DNAH9: variants seen among roughly 807,000 people sequenced by gnomAD.
DNAH9 encodes the protein DNAH9 variant protein.
In DNAH9, 345 loss-of-function variants were observed where a neutral mutation model predicts 471.6. The observed-to-expected ratio is 0.73, with a 90% CI of 0.67 to 0.80. DNAH9 has a LOEUF of 0.80. Ranked by LOEUF, DNAH9 falls within the 30% of genes least tolerant of loss-of-function variation. DNAH9 has a pLI of 0.00. For missense variants in DNAH9, 5,407 were observed against 5,609.2 expected (o/e 0.96, Z 1.15); for synonymous variants, 2,093 against 2,123.6 (o/e 0.99, Z 0.40).
intron 50 of DNAH9, among the ~76,000 whole-genome samples, chr17:11,859,972 C>G (rs1038759161): frequency 1.3e-5 from 2 of 152,228 alleles, no homozygotes; most frequent in Non-Finnish European, 2.9e-5. Context: ...CTGCCTTCAG[C>G]TCCCTTCCTT....
rs1415804306 is a variant in DNAH9, at chr17:11,730,927, G to A, written c.5814+3005G>A. 2.5e-4 allele frequency among the ~76,000 whole-genome samples: 34 copies of A among 135,220 alleles called. No homozygotes were observed. The East Asian group carries it at 6.3e-3, about 25-fold the overall frequency. The allele number at this position is 135,220 out of a possible 152,430, so 88.7% of individuals were successfully genotyped here. A position where few individuals can be genotyped will look rare whatever the true frequency, so the allele number is the denominator to read the frequency against. On this transcript the variant is annotated intron_variant, in intron 28 of 68. Coordinates refer to ENST00000262442, the MANE Select transcript of DNAH9 (RefSeq NM_001372.4). ...GGTGATGGTGGTAATGATGATGGTG[G>A]TGGTGGTGATGACGGTGATGATGAT...
At chr17:11,631,625 A>T (rs569416543) in intron 7 of DNAH9, among the ~76,000 whole-genome samples, 1 of 144,126 alleles carries the variant, frequency 6.9e-6, no homozygotes, top group African/African-American at 2.7e-5. Context: ...TGGGTGACAG[A>T]GTGAGACTCT....
chr17:11,823,791 A>G (rs1428680470), intron 48 of DNAH9, among the ~76,000 whole-genome samples: 3 of 152,184 alleles, frequency 2.0e-5, no homozygotes, highest in South Asian at 4.1e-4. Context: ...TTAGCTGGGC[A>G]TGGTGGCGGG....
intron 61 of DNAH9, among the ~76,000 whole-genome samples, chr17:11,917,302 G>A (rs748378721): frequency 6.6e-6 from 1 of 152,128 alleles, no homozygotes; most frequent in Non-Finnish European, 1.5e-5. Context: ...GATTACAGGC[G>A]CCCACCACCA....
chr17:11,743,759 A>C (rs998034316), intron 30 of DNAH9, among the ~76,000 whole-genome samples: 5 of 151,660 alleles, frequency 3.3e-5, no homozygotes, highest in Non-Finnish European at 7.4e-5. Flanking sequence ...TTCCTTAGGG[A>C]AGTCTGATCC....
chr17:11,931,151 A>G lies in DNAH9; in HGVS notation c.12106-863A>G, dbSNP rs76509661. Among the ~76,000 whole-genome samples the G allele has an allele frequency of 3.1e-3, 470 of 152,304 alleles. 3 individuals are homozygous for G. The East Asian group carries it at 0.05, about 16-fold the overall frequency. On this transcript the variant is annotated intron_variant, in intron 63 of 68. Coordinates refer to ENST00000262442, the MANE Select transcript of DNAH9 (RefSeq NM_001372.4). ...GAGAGTACCCAAAGGCCTGAATTGTAGCAGAGTGGAGGCCATCGGATCACC... is the reference window on the plus strand; with the variant it reads ...GAGAGTACCCAAAGGCCTGAATTGTGGCAGAGTGGAGGCCATCGGATCACC...
At chr17:11,774,152 A>G (rs1238533283) in intron 38 of DNAH9, among the ~76,000 whole-genome samples, 1 of 152,184 alleles carries the variant, frequency 6.6e-6, no homozygotes, top group Non-Finnish European at 1.5e-5. Context: ...AAAATAAAAT[A>G]GAATTAAAAA....
intron 22 of DNAH9, among the ~76,000 whole-genome samples, chr17:11,699,280 C>T (rs1464431726): frequency 6.6e-6 from 1 of 151,478 alleles, no homozygotes; most frequent in Non-Finnish European, 1.5e-5. Context: ...ACTGGGGTGG[C>T]TTCTTCCACA....
chr17:11,693,404 C>T (rs1161527903), intron 20 of DNAH9, among the ~76,000 whole-genome samples: 1 of 151,394 alleles, frequency 6.6e-6, no homozygotes, highest in Non-Finnish European at 1.5e-5. Context: ...CAGGCCTGCA[C>T]CACCAAGCCC....
chr17:11,644,616 C>T lies in DNAH9; in HGVS notation c.1902-15C>T, dbSNP rs1219329115. Reference sequence around the variant, plus strand: ...CTTCTAATTCTGTGTCACTTTTTCTCTTTTGTACGAGTAGTTGCATGGAAT... The same window carrying T: ...CTTCTAATTCTGTGTCACTTTTTCTTTTTTGTACGAGTAGTTGCATGGAAT... On this transcript the variant is annotated splice_polypyrimidine_tract_variant and intron_variant, in intron 10 of 68. Coordinates refer to ENST00000262442, the MANE Select transcript of DNAH9 (RefSeq NM_001372.4). 1 of 1,592,588 alleles carries T rather than the reference C, an allele frequency of 6.3e-7. No homozygotes were observed. The highest frequency in any genetic ancestry group is 8.6e-7 in the Non-Finnish European group (1 of 1,162,256).
intron 67 of DNAH9, among the ~76,000 whole-genome samples, chr17:11,952,927 G>A (rs1480457871): frequency 2.0e-5 from 3 of 152,120 alleles, no homozygotes; most frequent in Admixed American, 1.3e-4. Flanking sequence ...TTCTGGTGAG[G>A]GCTCTCTGCT....
intron 49 of DNAH9, among the ~76,000 whole-genome samples, chr17:11,840,731 G>T (rs1971003712): frequency 6.6e-6 from 1 of 152,140 alleles, no homozygotes; most frequent in Non-Finnish European, 1.5e-5. Flanking sequence ...AGAGAAAAAA[G>T]GTCGGGAGAA....
rs1018588388 is a variant in DNAH9, at chr17:11,623,933, G to A, written c.1350+4152G>A. 6.6e-6 allele frequency among the ~76,000 whole-genome samples: 1 copy of A among 152,058 alleles called. No individual in the cohort carries two copies. The highest frequency in any genetic ancestry group is 2.4e-5 in the African/African-American group (1 of 41,420). On this transcript the variant is annotated intron_variant, in intron 6 of 68. Coordinates refer to ENST00000262442, the MANE Select transcript of DNAH9 (RefSeq NM_001372.4). This position sits in a 1 kb window ranked among gnomAD's most constrained non-coding sequence, Gnocchi z 4.1. ...TTTTTGCACAAGAGAATTTTGTTGT[G>A]CACATCCACTCTTCCTCTCTGGGTG...
intron 57 of DNAH9, among the ~76,000 whole-genome samples, chr17:11,888,108 G>C (rs185736315): frequency 2.0e-4 from 30 of 151,292 alleles, no homozygotes; most frequent in African/African-American, 7.3e-4. Flanking sequence ...TCAGCCTCCC[G>C]AGTAGCTGGG....
chr17:11,783,606 T>C (rs1329857067), intron 39 of DNAH9, 40 bp from the exon 40 acceptor site: 1 of 1,540,614 alleles, frequency 6.5e-7, no homozygotes, highest in Non-Finnish European at 9.0e-7. Context: ...CCTGCCTCAG[T>C]CCTCAGACAC....
At chr17:11,758,366 C>T (rs771733447) in intron 35 of DNAH9, among the ~76,000 whole-genome samples, 23 of 152,152 alleles carry the variant, frequency 1.5e-4, no homozygotes, top group Non-Finnish European at 3.1e-4. Flanking sequence ...TTTTGTTTTA[C>T]ACTCTTTTTA....
rs138969134 is a variant in DNAH9 at position 11,773,006 on chromosome 17, A to G, written c.7552+3677A>G. On this transcript the variant is annotated intron_variant, in intron 38 of 68. Transcript: ENST00000262442. ...GACATTTTAAGAGCAACAAAATGGC[A>G]GAAGAAAGGGTGTTACCAACGATTT... 6.8e-4 allele frequency among the ~76,000 whole-genome samples: 103 copies of G among 152,384 alleles called. No homozygotes were observed. In the East Asian group the frequency reaches 0.019, roughly 29 times the overall value.
At chr17:11,887,990 T>G (rs942612184) in intron 57 of DNAH9, among the ~76,000 whole-genome samples, 2 of 150,208 alleles carry the variant, frequency 1.3e-5, no homozygotes, top group South Asian at 2.1e-4. Context: ...GGTTTTTTGT[T>G]TTTTTTTTTT....
rs920439141 is a variant in DNAH9 at position 11,679,746 on chromosome 17, G to T, written c.3354-11G>T. On this transcript the variant is annotated splice_polypyrimidine_tract_variant and intron_variant, in intron 17 of 68. Coordinates refer to ENST00000262442, the MANE Select transcript of DNAH9 (RefSeq NM_001372.4). ...GAGAATGGTTCCTCATGTTCTGTTT[G>T]TGTTGATTAGCTTGGCCAACCTGGA... 6 of 1,580,920 alleles carry T rather than the reference G, an allele frequency of 3.8e-6. No homozygotes were observed. The highest frequency in any genetic ancestry group is 4.3e-6 in the Non-Finnish European group (5 of 1,149,766).
Sources: gnomAD v4.1 joint callset for allele counts (sites outside exome capture counted in the v4.1 genomes callset) on GRCh38, gnomAD v4.1.1 for gene constraint, Gnocchi (gnomAD v3.1) non-coding constraint, MANE v1.5 for transcripts, NCBI Gene and HGNC (gene_info 2026-07-23, HGNC 2026-07-21) for gene names.